The following DOCK10 variants were observed in gnomAD, a reference collection of about 807,000 sequenced individuals.
DOCK10 encodes the protein dedicator of cytokinesis protein 10.
Under a neutral mutation model 280.1 loss-of-function variants are expected in DOCK10, and 145 were observed. The observed-to-expected ratio is 0.52, with a 90% CI of 0.45 to 0.59. The LOEUF (loss-of-function observed/expected upper bound fraction) is 0.59. Ranked by LOEUF, DOCK10 falls within the 20% of genes least tolerant of loss-of-function variation. DOCK10 has a pLI of 0.00. For missense variants in DOCK10, 2,368 were observed against 2,651.7 expected, an observed-to-expected ratio of 0.89 and a Z score of 2.35; for synonymous variants, 915 against 942.2, an observed-to-expected ratio of 0.97 and a Z score of 0.53.
Position 224,787,034 on chromosome 2 carries a change from T to G in DOCK10, c.5643A>C (p.Ala1881=). 1 of 1,613,828 alleles carries G rather than the reference T, an allele frequency of 6.2e-7. No individual in the cohort carries two copies. ...KRLFGRYYRV[A]FYGQGFFEEE... The stretch of plus-strand genomic sequence containing the variant: ...CTGGTGAACTTACCTGCCCATAAAA[T>G]GCCACACGATAGTAGCGACCAAACA... Residue 1881 remains alanine, a synonymous_variant, in exon 50 of 56, where the codon GCA becomes GCC. Transcript: ENST00000258390.
At chr2:225,028,052 C>T (rs553279373) in intron 1 of DOCK10, among the ~76,000 whole-genome samples, 2 of 152,140 alleles carry the variant, frequency 1.3e-5, no homozygotes, top group Non-Finnish European at 2.9e-5. Flanking sequence ...TTATAATAGG[C>T]CCCACAAAGA....
intron 1 of DOCK10, chr2:224,983,686 C>T (rs1267888993): frequency 4.4e-6 from 2 of 459,370 alleles, no homozygotes; most frequent in Non-Finnish European, 9.0e-6. Context: ...TCTGTCACAA[C>T]ACAGCATCGT....
intron 51 of DOCK10, among the ~76,000 whole-genome samples, chr2:224,776,046 G>C (rs185342636): frequency 1.1e-3 from 170 of 151,304 alleles, no homozygotes; most frequent in African/African-American, 4.0e-3. Flanking sequence ...GCTTTGGTGA[G>C]TGAGTTTGAC....
chr2:224,805,419 T>A lies in DOCK10; in HGVS notation c.3925A>T (p.Asn1309Tyr), dbSNP rs1200098519. The A allele has an allele frequency of 6.2e-7, 1 of 1,612,754 alleles. No individual in the cohort carries two copies. Among genetic ancestry groups the A allele is most frequent in the Non-Finnish European group, 8.5e-7 (1 of 1,179,204 alleles). ...GAGGGAAGTCATACCTTTTCACAGT[T>A]GTCCGTCTTCTCACTGCTCTTCTCA... Reference protein sequence around the residue: ...TNEKSSEKTDNCEKIPRPLSL... With the variant: ...TNEKSSEKTDYCEKIPRPLSL... Residue 1309 changes from asparagine to tyrosine, a missense_variant, in exon 35 of 56, where the codon AAC becomes TAC. By Grantham distance (143) the Asn-to-Tyr change is moderately radical. Coordinates refer to ENST00000258390, the MANE Select transcript of DOCK10 (RefSeq NM_014689.3). This position sits in a 1 kb window ranked among gnomAD's most constrained non-coding sequence, Gnocchi z 4.3.
At chr2:224,851,409 T>C (rs1289301949) in intron 18 of DOCK10, among the ~76,000 whole-genome samples, 1 of 151,554 alleles carries the variant, frequency 6.6e-6, no homozygotes, top group African/African-American at 2.4e-5. Flanking sequence ...TATTTTGGAG[T>C]TGGGTGCCAG....
chr2:224,916,540 CAAAAAAAA>C (rs35956360), intron 3 of DOCK10, among the ~76,000 whole-genome samples, 147 bp downstream of exon 3: 73 of 110,908 alleles, frequency 6.6e-4, no homozygotes, highest in East Asian at 1.0e-3. Context: ...CACCCTCCCT[CAAAAAAAA>C]AAAAAAAAAA....
chr2:224,842,238 G>T (rs1047827831), intron 22 of DOCK10, among the ~76,000 whole-genome samples: 2 of 152,118 alleles, frequency 1.3e-5, no homozygotes, highest in Non-Finnish European at 2.9e-5. Context: ...TTCTTCCATA[G>T]ACTTCTACCA....
At chr2:224,870,241 T>C (rs770522540) in intron 11 of DOCK10, among the ~76,000 whole-genome samples, 1 of 152,216 alleles carries the variant, frequency 6.6e-6, no homozygotes, top group East Asian at 1.9e-4. Context: ...CCTTCCATGA[T>C]GATTGTAAGT....
Position 224,844,812 on chromosome 2 carries a change from C to T in DOCK10, c.2509G>A (p.Asp837Asn), listed in dbSNP as rs748534153. ...KHGGSDIKWVDGGKPLFKVST... is the reference protein window; with the variant it reads ...KHGGSDIKWVNGGKPLFKVST... ...ACTTTGAAAAGTGGTTTGCCACCATCAACCCATTTAATGTCACTCCCACCA... is the reference window on the plus strand; with the variant it reads ...ACTTTGAAAAGTGGTTTGCCACCATTAACCCATTTAATGTCACTCCCACCA... The change falls in exon 22 of 56, where the codon GAT (aspartate) becomes AAT (asparagine). Residue 837 changes from aspartate to asparagine, a missense_variant. This residue lies in a region of DOCK10 where 1,209 missense variants were observed against 1,250.9 expected (regional missense o/e 0.97). Coordinates refer to ENST00000258390, the MANE Select transcript of DOCK10 (RefSeq NM_014689.3). 3.1e-6 allele frequency: 5 copies of T among 1,607,824 alleles called. No homozygotes were observed. Among genetic ancestry groups the T allele is most frequent in the Non-Finnish European group, 4.2e-6 (5 of 1,176,924 alleles).
At chr2:224,936,441 G>C (rs1358705002) in intron 1 of DOCK10, among the ~76,000 whole-genome samples, 1 of 152,052 alleles carries the variant, frequency 6.6e-6, no homozygotes, top group Non-Finnish European at 1.5e-5. Flanking sequence ...ATTAGAGTTT[G>C]AGCCCAGAAT....
intron 1 of DOCK10, among the ~76,000 whole-genome samples, chr2:225,030,027 T>C (rs916289248): frequency 2.6e-5 from 4 of 151,356 alleles, no homozygotes; most frequent in Non-Finnish European, 4.4e-5. Flanking sequence ...ACACCTGTAG[T>C]CCCAGCTACT....
intron 1 of DOCK10, among the ~76,000 whole-genome samples, chr2:225,033,289 T>A (rs1403704884): frequency 6.6e-6 from 1 of 151,928 alleles, no homozygotes; most frequent in Non-Finnish European, 1.5e-5. Flanking sequence ...TTCAAGCAAT[T>A]CTCCTGCCTC....
At chr2:225,013,843 C>T (rs1242726854) in intron 1 of DOCK10, among the ~76,000 whole-genome samples, 1 of 151,994 alleles carries the variant, frequency 6.6e-6, no homozygotes, top group Non-Finnish European at 1.5e-5. Flanking sequence ...GAAAATCCAT[C>T]ATGGGCTCTG....
At chr2:224,803,869 A>G (rs779000342) in intron 39 of DOCK10, among the ~76,000 whole-genome samples, 1 of 152,128 alleles carries the variant, frequency 6.6e-6, no homozygotes, top group Non-Finnish European at 1.5e-5. Context: ...GTGCACACAT[A>G]TATGGTGTAC....
At chr2:224,939,438 G>A (rs1283282750) in intron 1 of DOCK10, among the ~76,000 whole-genome samples, 8 of 152,022 alleles carry the variant, frequency 5.3e-5, no homozygotes, top group Non-Finnish European at 1.5e-5. Context: ...TTTTTGTATA[G>A]CAAATAAAAA....
chr2:224,883,659 C>T lies in DOCK10; in HGVS notation c.747+2012G>A, dbSNP rs139912742. Among the ~76,000 whole-genome samples the T allele has an allele frequency of 4.1e-4, 62 of 152,266 alleles. 1 individual carries two copies. The South Asian group carries it at 8.5e-3, about 21-fold the overall frequency. On this transcript the variant is annotated intron_variant, in intron 7 of 55. Coordinates refer to ENST00000258390, the MANE Select transcript of DOCK10 (RefSeq NM_014689.3). ...AAATGGTAAAACTAGGATTTGAATG[C>T]GGACTTGCATGAATCCCAAGCTTGT...
At chr2:225,008,348 C>T (rs1391719200) in intron 1 of DOCK10, among the ~76,000 whole-genome samples, 4 of 152,070 alleles carry the variant, frequency 2.6e-5, no homozygotes, top group African/African-American at 9.7e-5. Flanking sequence ...ATGCATGGTG[C>T]TAGATTGTGA....
Position 224,796,383 on chromosome 2 carries a change from C to G in DOCK10, c.4871G>C (p.Gly1624Ala). Residue 1624 changes from glycine (G) to alanine (A), a missense_variant, in exon 44 of 56, where the codon GGA becomes GCA. By Grantham distance (60) the Gly-to-Ala change is moderately conservative (BLOSUM62 0). Transcript: ENST00000258390. ...VSQLIADAGIGGSRFQHSLAI... is the reference protein window; with the variant it reads ...VSQLIADAGIAGSRFQHSLAI... ...AAGCGAATGTTGAAACCGAGAGCCT[C>G]CAATCCCAGCATCGGCTATTAACTG... The G allele has an allele frequency of 6.4e-7, 1 of 1,572,808 alleles. No homozygotes were observed. The highest frequency in any genetic ancestry group is 1.3e-5 in the African/African-American group (1 of 74,236).
At chr2:225,035,609 G>C (rs1348883391) in intron 1 of DOCK10, among the ~76,000 whole-genome samples, 2 of 109,136 alleles carry the variant, frequency 1.8e-5, no homozygotes, top group Non-Finnish European at 3.7e-5. Context: ...AGTGTTAATT[G>C]TGTGTTGTAT....
Sources: gnomAD v4.1 joint callset for allele counts (sites outside exome capture counted in the v4.1 genomes callset) on GRCh38, gnomAD v4.1.1 for gene constraint, gnomAD v4.1.1 regional missense constraint, Gnocchi (gnomAD v3.1) non-coding constraint, MANE v1.5 for transcripts, NCBI Gene and HGNC (gene_info 2026-07-23, HGNC 2026-07-21) for gene names.